Variants in AXDND1 observed in about 807,000 individuals in gnomAD.
The protein encoded by AXDND1 is axonemal dynein light chain domain containing 1.
Under a neutral mutation model 137.5 loss-of-function variants are expected in AXDND1, and 110 were observed. That is an observed-to-expected ratio of 0.80 (90% CI 0.69 to 0.94). The LOEUF is 0.94. Among genes scored for constraint, AXDND1 ranks in the 40% least tolerant of loss-of-function variants. The pLI is 0.00. For synonymous variants in AXDND1, 414 were observed against 399.7 expected (o/e 1.04, Z -0.43); for missense variants, 1,191 against 1,169.8 (o/e 1.02, Z -0.26).
At chr1:179,504,519 G>A (rs112002132) in intron 20 of AXDND1, among the ~76,000 whole-genome samples, 605 of 152,292 alleles carry the variant, frequency 4.0e-3, no homozygotes, top group Non-Finnish European at 5.9e-3. Context: ...GTTTTGAGGT[G>A]TATCTCCCTA....
intron 4 of AXDND1, among the ~76,000 whole-genome samples, chr1:179,374,526 A>C (rs534561097): frequency 6.6e-6 from 1 of 152,160 alleles, no homozygotes. Context: ...ACATGCACAC[A>C]TATGTTTATT....
At chr1:179,529,400 G>A (rs182771352) in intron 23 of AXDND1, among the ~76,000 whole-genome samples, 2 of 152,330 alleles carry the variant, frequency 1.3e-5, no homozygotes, top group East Asian at 1.9e-4. Context: ...ACTGATGTGA[G>A]GCAAATTGAT....
chr1:179,414,813 A>T (rs1654448968), intron 12 of AXDND1, among the ~76,000 whole-genome samples: 2 of 152,204 alleles, frequency 1.3e-5, no homozygotes, highest in Admixed American at 6.6e-5. Flanking sequence ...TATAAAACCC[A>T]TCTGGAAGAA....
rs1024043799 is a variant in AXDND1 at position 179,457,086 on chromosome 1, C to A, written c.1799-11357C>A. On this transcript the variant is annotated intron_variant, in intron 16 of 25. Coordinates refer to ENST00000367618, the MANE Select transcript of AXDND1 (RefSeq NM_144696.6). ...CTTGAGACAGCTCTCTTTGGTTCCACAACTCTTCCATCCACCTTTTGTGGC... is the reference window on the plus strand; with the variant it reads ...CTTGAGACAGCTCTCTTTGGTTCCAAAACTCTTCCATCCACCTTTTGTGGC... 4 of 1,335,166 alleles carry A rather than the reference C, an allele frequency of 3.0e-6. No individual in the cohort carries two copies. In the Admixed American group the frequency reaches 5.0e-5, roughly 17 times the overall value. 82.7% of individuals were successfully genotyped at this position (1,335,166 alleles called of 1,614,324 possible).
intron 11 of AXDND1, among the ~76,000 whole-genome samples, chr1:179,397,039 G>T (rs1430095807): frequency 6.6e-6 from 1 of 152,168 alleles, no homozygotes; most frequent in African/African-American, 2.4e-5. Context: ...ATGTTAGCTG[G>T]TTATAATGCA....
intron 16 of AXDND1, among the ~76,000 whole-genome samples, chr1:179,466,855 A>G (rs935682855): frequency 6.6e-6 from 1 of 152,170 alleles, no homozygotes; most frequent in African/African-American, 2.4e-5. Flanking sequence ...CATTTAGTGC[A>G]GGCACGGATC....
intron 8 of AXDND1, among the ~76,000 whole-genome samples, chr1:179,383,860 T>C (rs987981487): frequency 6.6e-6 from 1 of 152,182 alleles, no homozygotes; most frequent in African/African-American, 2.4e-5. Flanking sequence ...TGTAAGACCC[T>C]TATTATTTTA....
At chr1:179,496,364 T>C (rs1667450456) in intron 20 of AXDND1, among the ~76,000 whole-genome samples, 3 of 152,032 alleles carry the variant, frequency 2.0e-5, no homozygotes, top group Admixed American at 1.3e-4. Flanking sequence ...CTAACAAATA[T>C]AGAGCTATCT....
At chr1:179,551,355 G>A in intron 25 of AXDND1, 4 of 1,614,130 alleles carry the variant, frequency 2.5e-6, no homozygotes, top group Non-Finnish European at 3.4e-6. Context: ...AGGGTGTGGA[G>A]GTATCGAAGC....
chr1:179,445,272 C>T, intron 16 of AXDND1, 68 bp downstream of exon 16: 1 of 1,076,606 alleles, frequency 9.3e-7, no homozygotes, highest in East Asian at 2.7e-5. Flanking sequence ...ATTTTCAATA[C>T]AATGAATATT....
At chr1:179,442,602 A>G (rs912306994) in intron 15 of AXDND1, among the ~76,000 whole-genome samples, 10 of 152,202 alleles carry the variant, frequency 6.6e-5, no homozygotes, top group African/African-American at 2.4e-4. Context: ...TTCAACAGAC[A>G]AATTCTGCTC....
chr1:179,409,716 T>C (rs1653557606), intron 11 of AXDND1, among the ~76,000 whole-genome samples: 2 of 152,258 alleles, frequency 1.3e-5, no homozygotes, highest in Non-Finnish European at 2.9e-5. Context: ...ACCCTGTCTC[T>C]ACTAAAAATA....
At chr1:179,448,921 G>T (rs10913769) in intron 16 of AXDND1, 54,732 of 184,826 alleles carry the variant, frequency 0.3, 8,793 homozygotes, top group African/African-American at 0.37. Flanking sequence ...GAGTTGTGCT[G>T]TGTCATGTAG....
In AXDND1 at chr1:179,448,297, T is replaced by C. The variant is rs1418942309; in HGVS notation, c.1798+3093T>C. ...TCAGTGCTAGCATATTGAAAGAGTT[T>C]GTTAGAGCTGTTGAAAATGCACAGT... On this transcript the variant is annotated intron_variant, in intron 16 of 25. Transcript: ENST00000367618. The C allele has an allele frequency of 7.9e-6, 6 of 763,356 alleles. No individual in the cohort carries two copies. In the African/African-American group the frequency reaches 1.0e-4, roughly 13 times the overall value. The allele number at this position is 763,356 out of a possible 1,614,324, so 47.3% of individuals were successfully genotyped here.
At chr1:179,461,080 C>T (rs1229396451) in intron 16 of AXDND1, among the ~76,000 whole-genome samples, 1 of 152,108 alleles carries the variant, frequency 6.6e-6, no homozygotes, top group Non-Finnish European at 1.5e-5. Flanking sequence ...TCAATTTTGG[C>T]TTTTGTTGCC....
chr1:179,537,271 C>T (rs1329159815), intron 25 of AXDND1, among the ~76,000 whole-genome samples: 1 of 152,158 alleles, frequency 6.6e-6, no homozygotes, highest in Non-Finnish European at 1.5e-5. Context: ...TGAGAAAGGG[C>T]ATCCTTGTCT....
intron 15 of AXDND1, among the ~76,000 whole-genome samples, chr1:179,442,079 C>T (rs968216008): frequency 7.2e-5 from 11 of 152,178 alleles, no homozygotes; most frequent in African/African-American, 2.7e-4. Context: ...TTATTTGGAT[C>T]AGGCCTTACG....
At chr1:179,387,407 A>T (rs1483925910) in intron 9 of AXDND1, among the ~76,000 whole-genome samples, 1 of 152,208 alleles carries the variant, frequency 6.6e-6, no homozygotes, top group Admixed American at 6.5e-5. Flanking sequence ...CCATTCCTGC[A>T]ATAATGGCAT....
At chr1:179,435,295 T>C (rs1270278320) in intron 15 of AXDND1, among the ~76,000 whole-genome samples, 2 of 152,118 alleles carry the variant, frequency 1.3e-5, no homozygotes, top group African/African-American at 4.8e-5. Context: ...TCAATGCTTT[T>C]CCCATCAAGT....
Sources: allele counts gnomAD v4.1 joint callset (sites outside exome capture counted in the v4.1 genomes callset), GRCh38; gene constraint gnomAD v4.1.1; transcripts MANE v1.5; gene names NCBI Gene and HGNC (gene_info 2026-07-23, HGNC 2026-07-21).